KCNIP4: variants seen among roughly 807,000 people sequenced by gnomAD.
KCNIP4 encodes Kv channel-interacting protein 4.
In KCNIP4, 12 loss-of-function variants were observed where a neutral mutation model predicts 34.0. The ratio of observed to expected loss-of-function variants is 0.35; its 90% CI spans 0.23 to 0.57. The LOEUF (loss-of-function observed/expected upper bound fraction) is 0.57. Among genes scored for constraint, KCNIP4 ranks in the 20% least tolerant of loss-of-function variants. KCNIP4 has a pLI of 0.83. For missense variants in KCNIP4, 238 were observed against 311.7 expected (o/e 0.76, Z 1.78); for synonymous variants, 124 against 102.2 (o/e 1.21, Z -1.29).
intron 1 of KCNIP4, among the ~76,000 whole-genome samples, chr4:21,517,853 T>G (rs1400768668): frequency 6.6e-6 from 1 of 152,104 alleles, no homozygotes; most frequent in Non-Finnish European, 1.5e-5. Context: ...ATGCACAGCT[T>G]TCCCTGATAC....
At chr4:20,979,082 A>G (rs1735773247) in intron 1 of KCNIP4, among the ~76,000 whole-genome samples, 1 of 152,188 alleles carries the variant, frequency 6.6e-6, no homozygotes, top group South Asian at 2.1e-4. Context: ...ATAGCGGATT[A>G]ATCTATCCAA....
At chr4:21,471,893 A>G (rs1028553470) in intron 1 of KCNIP4, among the ~76,000 whole-genome samples, 1 of 116,906 alleles carries the variant, frequency 8.6e-6, no homozygotes, top group Non-Finnish European at 2.1e-5. Flanking sequence ...AAAACATCTG[A>G]CAAACCATTT....
intron 1 of KCNIP4, among the ~76,000 whole-genome samples, chr4:21,357,583 G>C (rs1718765772): frequency 6.6e-6 from 1 of 152,118 alleles, no homozygotes; most frequent in South Asian, 2.1e-4. Context: ...CATCATCACT[G>C]GTCATCAGAC....
At chr4:21,524,794 A>T (rs1351546440) in intron 1 of KCNIP4, among the ~76,000 whole-genome samples, 1 of 150,152 alleles carries the variant, frequency 6.7e-6, no homozygotes, top group East Asian at 1.9e-4. Context: ...TTGACTAGTG[A>T]TTTTTTTTTT....
intron 1 of KCNIP4, among the ~76,000 whole-genome samples, chr4:21,593,514 C>T (rs536490982): frequency 6.6e-6 from 1 of 152,034 alleles, no homozygotes; most frequent in Non-Finnish European, 1.5e-5. Flanking sequence ...GGTCCCCGGA[C>T]CTGGCACAAA....
Position 20,853,582 on chromosome 4 carries a change from G to A in KCNIP4, c.164-2915C>T, listed in dbSNP as rs139887761. Among the ~76,000 whole-genome samples, 182 of 151,764 alleles carry A rather than the reference G, an allele frequency of 1.2e-3. 1 individual carries two copies. Among genetic ancestry groups the A allele is most frequent in the African/African-American group, 4.2e-3 (175 of 41,460 alleles). On this transcript the variant is annotated intron_variant, in intron 2 of 8. Coordinates refer to ENST00000382152, the MANE Select transcript of KCNIP4 (RefSeq NM_025221.6). The stretch of plus-strand genomic sequence containing the variant: ...AAAACCCTTTTAGACACTGGCTTAG[G>A]CAAGGATCTCATGACCAAGAACCCA...
chr4:21,185,420 C>G (rs1161644704), intron 1 of KCNIP4, among the ~76,000 whole-genome samples: 2 of 151,766 alleles, frequency 1.3e-5, no homozygotes. Flanking sequence ...TCTTCTTCCT[C>G]TCTGTCCTCT....
intron 2 of KCNIP4, among the ~76,000 whole-genome samples, chr4:20,865,060 G>A (rs1181307050): frequency 1.3e-5 from 2 of 152,046 alleles, no homozygotes; most frequent in African/African-American, 2.4e-5. Flanking sequence ...TCATATCTGA[G>A]CAATGTGATA....
In KCNIP4 at chr4:21,402,328, C is replaced by A. The variant is rs149923314; in HGVS notation, c.62-519619G>T. On this transcript the variant is annotated intron_variant, in intron 1 of 8. Coordinates refer to ENST00000382152, the MANE Select transcript of KCNIP4 (RefSeq NM_025221.6). ...TCAGTGGAAGCATAAATAACTATTT[C>A]TTCCGTGAATAGAAAAATGAGTCCG... Among the ~76,000 whole-genome samples, 639 of 152,286 alleles carry A rather than the reference C, an allele frequency of 4.2e-3. 3 individuals are homozygous for A. The highest frequency in any genetic ancestry group is 0.015 in the African/African-American group (603 of 41,582).
chr4:21,781,529 G>A (rs970189035), intron 1 of KCNIP4, among the ~76,000 whole-genome samples: 2 of 151,994 alleles, frequency 1.3e-5, no homozygotes, highest in African/African-American at 4.8e-5. Flanking sequence ...TCAGATAAAG[G>A]AAAACTAAGA....
intron 1 of KCNIP4, among the ~76,000 whole-genome samples, chr4:21,090,628 A>T (rs1385093350): frequency 6.6e-6 from 1 of 152,248 alleles, no homozygotes; most frequent in Non-Finnish European, 1.5e-5. Flanking sequence ...CAAATATTTT[A>T]AAATTATTTT....
intron 1 of KCNIP4, among the ~76,000 whole-genome samples, chr4:21,562,593 A>G: frequency 6.6e-6 from 1 of 152,194 alleles, no homozygotes; most frequent in South Asian, 2.1e-4. Context: ...CCAAATAAAG[A>G]ACACATGTTT....
chr4:21,187,313 T>C (rs1009531951), intron 1 of KCNIP4, among the ~76,000 whole-genome samples: 4 of 152,260 alleles, frequency 2.6e-5, no homozygotes, highest in East Asian at 1.9e-4. Context: ...AAGTTAATCA[T>C]GTGTGACTGC....
chr4:21,470,790 G>A (rs202068491), intron 1 of KCNIP4, among the ~76,000 whole-genome samples: 3 of 151,538 alleles, frequency 2.0e-5, no homozygotes, highest in East Asian at 1.9e-4. Flanking sequence ...TTGGCCAAAC[G>A]CCCAATTCAA....
intron 1 of KCNIP4, among the ~76,000 whole-genome samples, chr4:21,834,368 T>C (rs1172995845): frequency 6.6e-6 from 1 of 152,098 alleles, no homozygotes; most frequent in African/African-American, 2.4e-5. Flanking sequence ...TGAATGGGAG[T>C]TCACTCATGA....
At chr4:21,326,221 G>A (rs1416679204) in intron 1 of KCNIP4, among the ~76,000 whole-genome samples, 1 of 151,178 alleles carries the variant, frequency 6.6e-6, no homozygotes, top group Non-Finnish European at 1.5e-5. Flanking sequence ...ATTGTATTGG[G>A]GTATATCTGC....
At chr4:21,492,784 A>G (rs943162712) in intron 1 of KCNIP4, among the ~76,000 whole-genome samples, 2 of 152,190 alleles carry the variant, frequency 1.3e-5, no homozygotes, top group Non-Finnish European at 2.9e-5. Flanking sequence ...TCATTTTAGT[A>G]TCTATGTCAC....
At chr4:20,887,942 G>A (rs1045899471) in intron 1 of KCNIP4, among the ~76,000 whole-genome samples, 2 of 152,014 alleles carry the variant, frequency 1.3e-5, no homozygotes, top group Non-Finnish European at 2.9e-5. Context: ...ATAATAACAT[G>A]AAAGTTGGGG....
intron 1 of KCNIP4, among the ~76,000 whole-genome samples, chr4:21,192,594 A>G (rs1276585584): frequency 6.6e-6 from 1 of 152,164 alleles, no homozygotes; most frequent in Non-Finnish European, 1.5e-5. Context: ...TAACCAGATT[A>G]GGCTTTATCC....
Sources: allele counts gnomAD v4.1 joint callset (sites outside exome capture counted in the v4.1 genomes callset), GRCh38; gene constraint gnomAD v4.1.1; transcripts MANE v1.5; gene names NCBI Gene and HGNC (gene_info 2026-07-23, HGNC 2026-07-21).